STIMATE: variants seen among roughly 807,000 people sequenced by gnomAD.
The protein encoded by STIMATE is store-operated calcium entry regulator STIMATE.
Under a neutral mutation model 36.7 loss-of-function variants are expected in STIMATE, and 15 were observed. That is an observed-to-expected ratio of 0.41 (90% CI 0.27 to 0.63). The LOEUF is 0.63. STIMATE is among the 20% of genes least tolerant of loss of function. The probability of loss-of-function intolerance (pLI) is 0.32; values close to 1 mark genes in which losing one functional copy is unlikely to be tolerated. For missense variants in STIMATE, 305 were observed against 397.3 expected (o/e 0.77, Z 1.98); for synonymous variants, 163 against 162.3 (o/e 1.00, Z -0.03).
chr3:52,850,866 T>C (rs1700985640), intron 3 of STIMATE, among the ~76,000 whole-genome samples: 1 of 152,150 alleles, frequency 6.6e-6, no homozygotes, highest in South Asian at 2.1e-4. Context: ...GTAGCTGGGA[T>C]TACAGGCACC....
rs543113543 is a variant in STIMATE at position 52,860,949 on chromosome 3, G to A, written c.161-5505C>T. ...TCCCACGGAAACAGTTGTGCCCTGC[G>A]TGGGCCTGGCAGCTGCTCCTGCAGA... On this transcript the variant is annotated intron_variant, in intron 1 of 7. Transcript: ENST00000355083. Among the ~76,000 whole-genome samples, 7 of 152,330 alleles carry A rather than the reference G, an allele frequency of 4.6e-5. No homozygotes were observed. In the South Asian group the frequency reaches 8.3e-4, roughly 18 times the overall value.
intron 1 of STIMATE, among the ~76,000 whole-genome samples, chr3:52,892,695 CT>C (rs1420763981): frequency 2.0e-5 from 3 of 152,230 alleles, no homozygotes; most frequent in African/African-American, 4.8e-5. Context: ...AGTATTATCA[CT>C]GCAGAGATCC....
intron 1 of STIMATE, among the ~76,000 whole-genome samples, chr3:52,863,691 A>G (rs1321991361): frequency 6.6e-6 from 1 of 152,218 alleles, no homozygotes. Context: ...TCCACCTATG[A>G]GCCTGTAAAA....
intron 1 of STIMATE, among the ~76,000 whole-genome samples, chr3:52,864,305 A>C (rs1701266323): frequency 6.6e-6 from 1 of 152,212 alleles, no homozygotes; most frequent in South Asian, 2.1e-4. Flanking sequence ...ATTATGTGGA[A>C]GCTGCCACAG....
chr3:52,872,923 G>A (rs911725948), intron 1 of STIMATE, among the ~76,000 whole-genome samples: 3 of 152,196 alleles, frequency 2.0e-5, no homozygotes, highest in South Asian at 4.1e-4. Context: ...ACCACGCCCG[G>A]CAACCATATC....
At chr3:52,881,273 T>A (rs1054016297) in intron 1 of STIMATE, among the ~76,000 whole-genome samples, 1 of 150,624 alleles carries the variant, frequency 6.6e-6, no homozygotes, top group African/African-American at 2.4e-5. Context: ...ACATATGCAA[T>A]TAAACATAAT....
At chr3:52,856,540 T>C (rs946468196) in intron 1 of STIMATE, among the ~76,000 whole-genome samples, 3 of 151,934 alleles carry the variant, frequency 2.0e-5, no homozygotes, top group Non-Finnish European at 2.9e-5. Flanking sequence ...AAAAAGTAGC[T>C]GTGTGTGGTG....
rs1701182603 is a variant in STIMATE, at chr3:52,859,727, A to C, written c.161-4283T>G. Among the ~76,000 whole-genome samples, 3 of 151,746 alleles carry C rather than the reference A, an allele frequency of 2.0e-5. No homozygotes were observed. In the South Asian group the frequency reaches 6.2e-4, roughly 32 times the overall value. On this transcript the variant is annotated intron_variant, in intron 1 of 7. Transcript: ENST00000355083. ...AAAATCCAAGGGCTACTTTTGATTA[A>C]AGGAATTATGGATCAAGGAATTCAC...
intron 4 of STIMATE, among the ~76,000 whole-genome samples, chr3:52,849,177 T>C (rs1304439382): frequency 2.6e-5 from 4 of 152,186 alleles, no homozygotes; most frequent in Non-Finnish European, 5.9e-5. Flanking sequence ...CTGATCCACC[T>C]GGAAGAGGAG....
chr3:52,859,352 G>A (rs1490240880), intron 1 of STIMATE, among the ~76,000 whole-genome samples: 15 of 148,594 alleles, frequency 1.0e-4, no homozygotes, highest in African/African-American at 3.7e-4. Context: ...TTTTTTCCTA[G>A]AAGAATACAT....
chr3:52,855,559 C>T lies in STIMATE; in HGVS notation c.161-115G>A, dbSNP rs1400018223. On this transcript the variant is annotated intron_variant, in intron 1 of 7. Transcript: ENST00000355083. The stretch of plus-strand genomic sequence containing the variant: ...GTGTGTATAACCAAGGTAATACACA[C>T]ACTCTTTTAACATGTAACAACATAC... The T allele has an allele frequency of 2.8e-6, 4 of 1,429,246 alleles. No homozygotes were observed. The African/African-American group carries it at 4.2e-5, about 15-fold the overall frequency. 88.5% of individuals were successfully genotyped at this position (1,429,246 alleles called of 1,614,324 possible). A position where few individuals can be genotyped will look rare whatever the true frequency, so the allele number is the denominator to read the frequency against.
At chr3:52,885,520 A>T (rs184858642) in intron 1 of STIMATE, among the ~76,000 whole-genome samples, 1 of 152,338 alleles carries the variant, frequency 6.6e-6, no homozygotes, top group Non-Finnish European at 1.5e-5. Context: ...CTATCTGGAA[A>T]GAACTCAAAT....
At chr3:52,891,857 C>A (rs889346062) in intron 1 of STIMATE, among the ~76,000 whole-genome samples, 10 of 152,158 alleles carry the variant, frequency 6.6e-5, no homozygotes, top group Non-Finnish European at 1.3e-4. Context: ...AAGACACACC[C>A]CCAAGGAGGG....
chr3:52,865,139 G>T (rs138164700), intron 1 of STIMATE, among the ~76,000 whole-genome samples: 1 of 152,084 alleles, frequency 6.6e-6, no homozygotes, highest in African/African-American at 2.4e-5. Context: ...TAGAGATGGG[G>T]TTTCACTATC....
intron 1 of STIMATE, among the ~76,000 whole-genome samples, chr3:52,861,574 G>T (rs1701215779): frequency 6.6e-6 from 1 of 152,204 alleles, no homozygotes; most frequent in African/African-American, 2.4e-5. Context: ...GCTATGACCG[G>T]CTAGGCACGT....
chr3:52,840,491 G>A lies in STIMATE; in HGVS notation c.*3C>T. 2 of 1,613,600 alleles carry A rather than the reference G, an allele frequency of 1.2e-6. No homozygotes were observed. Among genetic ancestry groups the A allele is most frequent in the Middle Eastern group, 3.3e-4 (2 of 6,054 alleles). ...CTCCCGTCACCCCCAGCATGGGAAT[G>A]TGTCATACGGGTAGCCCAAAGCGGT... On this transcript the variant is annotated 3_prime_UTR_variant, in exon 8 of 8. Transcript: ENST00000355083.
At position 52,867,085 on chromosome 3, in the gene STIMATE, C is replaced by G. The variant is rs1701325305; in HGVS notation, c.161-11641G>C. Among the ~76,000 whole-genome samples the G allele has an allele frequency of 2.0e-5, 3 of 152,174 alleles. No individual in the cohort carries two copies. In the South Asian group the frequency reaches 6.2e-4, roughly 32 times the overall value. Reference sequence around the variant, plus strand: ...ATCCCTCTTACCAGATGGCATTTTTCAGACCAGCAAAACATGGGTGGAAAA... The same window carrying G: ...ATCCCTCTTACCAGATGGCATTTTTGAGACCAGCAAAACATGGGTGGAAAA... On this transcript the variant is annotated intron_variant, in intron 1 of 7. Coordinates refer to ENST00000355083, the MANE Select transcript of STIMATE (RefSeq NM_198563.5).
At chr3:52,840,951 C>T (rs916906190) in intron 7 of STIMATE, among the ~76,000 whole-genome samples, 1 of 152,188 alleles carries the variant, frequency 6.6e-6, no homozygotes, top group Non-Finnish European at 1.5e-5. Context: ...AGTAATCCAC[C>T]TGCTTCGGAC....
chr3:52,860,546 C>T (rs983536000), intron 1 of STIMATE, among the ~76,000 whole-genome samples: 21 of 151,760 alleles, frequency 1.4e-4, no homozygotes, highest in African/African-American at 4.6e-4. Flanking sequence ...GTGTGGTGGC[C>T]AGGCAGCTGT....
Sources: gnomAD v4.1 joint callset for allele counts (sites outside exome capture counted in the v4.1 genomes callset) on GRCh38, gnomAD v4.1.1 for gene constraint, MANE v1.5 for transcripts, NCBI Gene and HGNC (gene_info 2026-07-23, HGNC 2026-07-21) for gene names.